Variants in VPS8 observed in about 807,000 individuals in gnomAD.
The protein encoded by VPS8 is vacuolar protein sorting-associated protein 8 homolog.
Under a neutral mutation model 216.4 loss-of-function variants are expected in VPS8, and 129 were observed. The observed-to-expected ratio is 0.60, with a 90% CI of 0.52 to 0.69. The LOEUF is 0.69. Ranked by LOEUF, VPS8 falls within the 30% of genes least tolerant of loss-of-function variation. The pLI, the probability that VPS8 is intolerant of heterozygous loss-of-function variation, is 0.00. For synonymous variants in VPS8, 571 were observed against 565.4 expected, an observed-to-expected ratio of 1.01 and a Z score of -0.14; for missense variants, 1,531 against 1,683.5, an observed-to-expected ratio of 0.91 and a Z score of 1.59.
At chr3:184,826,271 C>A in intron 3 of VPS8, 40 bp downstream of exon 3, 1 of 1,529,130 alleles carries the variant, frequency 6.5e-7, no homozygotes, top group Non-Finnish European at 9.0e-7. Context: ...TTGTGTGTGG[C>A]ATTCATCTTA....
At chr3:184,982,879 A>G (rs1173039078) in intron 41 of VPS8, 133 bp from the exon 42 acceptor site, 1 of 821,330 alleles carries the variant, frequency 1.2e-6, no homozygotes, top group Non-Finnish European at 1.8e-6. Flanking sequence ...GTTAATTTTA[A>G]AATATCAAAG....
intron 39 of VPS8, among the ~76,000 whole-genome samples, chr3:184,970,588 A>G (rs1748244062): frequency 6.6e-6 from 1 of 152,234 alleles, no homozygotes; most frequent in Non-Finnish European, 1.5e-5. Flanking sequence ...GTGCCTGACT[A>G]GTAATCAGCG....
intron 23 of VPS8, among the ~76,000 whole-genome samples, chr3:184,898,284 G>A (rs1407195126): frequency 1.3e-5 from 2 of 152,070 alleles, no homozygotes; most frequent in Non-Finnish European, 2.9e-5. Flanking sequence ...TAGAACTATT[G>A]ATCAAAGGTA....
chr3:184,879,389 C>A (rs1729877614), intron 21 of VPS8, among the ~76,000 whole-genome samples: 1 of 151,992 alleles, frequency 6.6e-6, no homozygotes, highest in African/African-American at 2.4e-5. Flanking sequence ...ACCCCAAATT[C>A]AGTGATTTCT....
intron 4 of VPS8, among the ~76,000 whole-genome samples, chr3:184,833,373 C>T (rs78795231): frequency 0.019 from 2,936 of 152,214 alleles, 35 homozygotes; most frequent in South Asian, 0.047. Context: ...ATTGAATTCA[C>T]GTGTAACTTT....
chr3:184,941,086 T>G (rs1407412054), intron 36 of VPS8, among the ~76,000 whole-genome samples: 1 of 152,360 alleles, frequency 6.6e-6, no homozygotes, highest in Non-Finnish European at 1.5e-5. Context: ...ATACAAACTT[T>G]AGGTTTCATT....
chr3:185,038,457 C>A (rs1759198371), intron 46 of VPS8, among the ~76,000 whole-genome samples: 1 of 152,222 alleles, frequency 6.6e-6, no homozygotes, highest in African/African-American at 2.4e-5. Flanking sequence ...CACAAGGTCT[C>A]CTGCAGTTGT....
intron 46 of VPS8, among the ~76,000 whole-genome samples, chr3:185,041,001 G>A (rs1711512794): frequency 1.3e-5 from 2 of 152,114 alleles, no homozygotes; most frequent in African/African-American, 4.8e-5. Context: ...TCAGGAGTTC[G>A]AGACTAGCCT....
At chr3:185,010,986 G>A (rs60206784) in intron 45 of VPS8, among the ~76,000 whole-genome samples, 6,070 of 151,754 alleles carry the variant, frequency 0.04, 212 homozygotes, top group East Asian at 0.1. Flanking sequence ...GCACCAAAGC[G>A]AGACCCTATC....
chr3:184,955,146 C>T (rs1266342714), intron 36 of VPS8, among the ~76,000 whole-genome samples: 1 of 152,118 alleles, frequency 6.6e-6, no homozygotes, highest in African/African-American at 2.4e-5. Flanking sequence ...CACTCTGCTC[C>T]ACCAGCTTCT....
At chr3:184,911,277 G>A (rs190086104) in intron 25 of VPS8, among the ~76,000 whole-genome samples, 25 of 152,328 alleles carry the variant, frequency 1.6e-4, no homozygotes, top group Admixed American at 1.2e-3. Context: ...CTCATAAGAG[G>A]CTCACAGTAG....
At chr3:185,020,540 A>C (rs531651252) in intron 45 of VPS8, among the ~76,000 whole-genome samples, 6 of 150,374 alleles carry the variant, frequency 4.0e-5, no homozygotes, top group African/African-American at 4.9e-5. Context: ...TTGTGATCAT[A>C]GTTCACTGCA....
chr3:184,895,003 C>A (rs538507340), intron 23 of VPS8, 78 bp downstream of exon 23: 6 of 1,171,694 alleles, frequency 5.1e-6, no homozygotes, highest in East Asian at 2.6e-5. Context: ...ACTGATCAGG[C>A]CTGACCCTGC....
intron 8 of VPS8, among the ~76,000 whole-genome samples, chr3:184,846,422 A>C (rs937715884): frequency 6.6e-6 from 1 of 152,158 alleles, no homozygotes; most frequent in Non-Finnish European, 1.5e-5. Flanking sequence ...CATTTCATCC[A>C]TTGCCACTCT....
Position 185,052,423 on chromosome 3 carries a change from C to G in VPS8, c.*398C>G, listed in dbSNP as rs558680121. ...CGTCTCCTCCAGCTGCTGGATAATA[C>G]AGAGGAACTTCAACTTCTACAGGGA... On this transcript the variant is annotated 3_prime_UTR_variant, in exon 48 of 48. Transcript: ENST00000625842. The G allele has an allele frequency of 5.9e-6, 1 of 170,570 alleles. No individual in the cohort carries two copies. Among genetic ancestry groups the G allele is most frequent in the East Asian group, 1.8e-4 (1 of 5,492 alleles). 10.6% of individuals were successfully genotyped at this position (170,570 alleles called of 1,614,324 possible).
intron 25 of VPS8, among the ~76,000 whole-genome samples, chr3:184,903,410 T>G (rs1734922620): frequency 6.6e-6 from 1 of 152,202 alleles, no homozygotes; most frequent in South Asian, 2.1e-4. Flanking sequence ...TAGAATTTTC[T>G]AATGTATGAA....
At chr3:184,852,371 A>C (rs1724458251) in intron 10 of VPS8, 129 bp from the exon 11 acceptor site, 1 of 696,630 alleles carries the variant, frequency 1.4e-6, no homozygotes, top group South Asian at 2.1e-5. Context: ...TGAGCACTGA[A>C]TCTAGTTTAG....
intron 36 of VPS8, chr3:184,944,434 G>T: frequency 2.3e-6 from 2 of 883,338 alleles, no homozygotes; most frequent in Non-Finnish European, 2.7e-6. Flanking sequence ...CATCCCCTGG[G>T]TGCATTGCTG....
chr3:184,924,718 G>A lies in VPS8; in HGVS notation c.2455-144G>A, dbSNP rs1247314002. ...AGTGGTTGTGCTTATTCTAAATGGC[G>A]TTGAATTCAATTGTTGCACAGTCAA... is the stretch of plus-strand genomic sequence containing the variant. On this transcript the variant is annotated intron_variant, in intron 29 of 47. Transcript: ENST00000625842. 2.3e-5 allele frequency: 25 copies of A among 1,086,660 alleles called. No individual in the cohort carries two copies. In the Admixed American group the frequency reaches 4.2e-4, roughly 18 times the overall value. 67.3% of individuals were successfully genotyped at this position (1,086,660 alleles called of 1,614,324 possible). A position where few individuals can be genotyped will look rare whatever the true frequency, so the allele number is the denominator to read the frequency against.
Sources: allele counts gnomAD v4.1 joint callset (sites outside exome capture counted in the v4.1 genomes callset), GRCh38; gene constraint gnomAD v4.1.1; transcripts MANE v1.5; gene names NCBI Gene and HGNC (gene_info 2026-07-23, HGNC 2026-07-21).